Variants in MRPS9 observed in about 807,000 individuals in gnomAD.
MRPS9 encodes small ribosomal subunit protein uS9m.
In MRPS9, 45 loss-of-function variants were observed where a neutral mutation model predicts 59.9. The ratio of observed to expected loss-of-function variants is 0.75; its 90% confidence interval spans 0.59 to 0.96. The LOEUF (loss-of-function observed/expected upper bound fraction) is 0.96, where lower values mean the gene tolerates loss of function less well. Ranked by LOEUF, MRPS9 falls within the 40% of genes least tolerant of loss-of-function variation. The probability of loss-of-function intolerance (pLI) is 0.00; values close to 1 mark genes in which losing one functional copy is unlikely to be tolerated. For synonymous variants in MRPS9, 171 were observed against 166.8 expected (o/e 1.03, Z -0.19); for missense variants, 473 against 481.1 (o/e 0.98, Z 0.16).
chr2:105,047,391 AC>A (rs1343129805), intron 1 of MRPS9, among the ~76,000 whole-genome samples: 1 of 151,992 alleles, frequency 6.6e-6, no homozygotes, highest in Non-Finnish European at 1.5e-5. Flanking sequence ...GGGTATTGTT[AC>A]ATTTCTCCTG....
chr2:105,051,372 C>G (rs779291248), intron 2 of MRPS9, among the ~76,000 whole-genome samples: 1 of 152,068 alleles, frequency 6.6e-6, no homozygotes, highest in South Asian at 2.1e-4. Context: ...TATTTCTGGA[C>G]CTTATTTTAT....
At chr2:105,096,127 T>C (rs1445164781) in intron 9 of MRPS9, among the ~76,000 whole-genome samples, 2 of 152,164 alleles carry the variant, frequency 1.3e-5, no homozygotes, top group Admixed American at 1.3e-4. Context: ...CTACATCGTA[T>C]TGTTATAAAT....
chr2:105,081,076 C>T (rs1049301740), intron 5 of MRPS9, among the ~76,000 whole-genome samples: 1 of 152,214 alleles, frequency 6.6e-6, no homozygotes, highest in Non-Finnish European at 1.5e-5. Context: ...CCTGAGGCTG[C>T]CCGGGGACCC....
intron 4 of MRPS9, among the ~76,000 whole-genome samples, chr2:105,073,270 G>T (rs1680147482): frequency 6.6e-6 from 1 of 152,098 alleles, no homozygotes; most frequent in South Asian, 2.1e-4. Context: ...CTCAGTATTA[G>T]AAGTTTATTG....
chr2:105,038,201 G>C lies in MRPS9; in HGVS notation c.109G>C (p.Glu37Gln). The C allele has an allele frequency of 6.2e-7, 1 of 1,612,794 alleles. No individual in the cohort carries two copies. Among genetic ancestry groups the C allele is most frequent in the Non-Finnish European group, 8.5e-7 (1 of 1,179,436 alleles). Residue 37 changes from glutamate (E) to glutamine (Q), a missense_variant, in exon 1 of 11, where the codon GAG (glutamate) becomes CAG (glutamine). Glu to Gln is a conservative substitution (Grantham distance 29). Transcript: ENST00000258455. ...KQGLWKTAAPELQTNVRSQIL... is the reference protein window; with the variant it reads ...KQGLWKTAAPQLQTNVRSQIL... ...AGGCCTCTGGAAAACCGCGGCCCCT[G>C]AGTTGCAAACAAATGTCAGATCCCA...
At chr2:105,085,427 G>T (rs1680428275) in intron 5 of MRPS9, among the ~76,000 whole-genome samples, 1 of 152,106 alleles carries the variant, frequency 6.6e-6, no homozygotes, top group African/African-American at 2.4e-5. Context: ...TATTTATGTT[G>T]TGTACCAAAA....
At chr2:105,068,530 T>G (rs918045653) in intron 2 of MRPS9, among the ~76,000 whole-genome samples, 1 of 152,212 alleles carries the variant, frequency 6.6e-6, no homozygotes, top group Non-Finnish European at 1.5e-5. Context: ...CATAAAACAT[T>G]TACATGCTTC....
chr2:105,077,452 A>T (rs1000965723), intron 4 of MRPS9, among the ~76,000 whole-genome samples: 1 of 151,890 alleles, frequency 6.6e-6, no homozygotes, highest in Non-Finnish European at 1.5e-5. Flanking sequence ...TAGTTGTGCT[A>T]GTAGAGGTGT....
intron 2 of MRPS9, among the ~76,000 whole-genome samples, chr2:105,070,014 T>C (rs538167321): frequency 7.9e-5 from 12 of 152,052 alleles, no homozygotes; most frequent in Admixed American, 2.6e-4. Context: ...TCTGATCTAA[T>C]AAAAGAAAAA....
At chr2:105,075,159 A>C (rs562166049) in intron 4 of MRPS9, among the ~76,000 whole-genome samples, 25 of 152,294 alleles carry the variant, frequency 1.6e-4, no homozygotes, top group South Asian at 1.5e-3. Context: ...ATGAGAATCT[A>C]ATCGCACTGT....
At chr2:105,081,380 C>T (rs1217763210) in intron 5 of MRPS9, among the ~76,000 whole-genome samples, 3 of 152,228 alleles carry the variant, frequency 2.0e-5, no homozygotes, top group Non-Finnish European at 2.9e-5. Flanking sequence ...TCTACTTAAT[C>T]ACGGTTGTAG....
intron 9 of MRPS9, among the ~76,000 whole-genome samples, chr2:105,094,671 A>T (rs1272995104): frequency 6.6e-6 from 1 of 152,226 alleles, no homozygotes; most frequent in African/African-American, 2.4e-5. Flanking sequence ...ACTCCATTTA[A>T]GATGAATTAG....
In MRPS9 at chr2:105,090,071, A is replaced by G. The variant is rs528873284; in HGVS notation, c.651+76A>G. 22 of 739,704 alleles carry G rather than the reference A, an allele frequency of 3.0e-5. No individual in the cohort carries two copies. The African/African-American group carries it at 4.1e-4, about 14-fold the overall frequency. 45.8% of individuals were successfully genotyped at this position (739,704 alleles called of 1,614,324 possible). On this transcript the variant is annotated intron_variant, in intron 7 of 10. Transcript: ENST00000258455. ...GACAATTGCTGTATTTAGGATCCTA[A>G]TAGTAATGTTCCTCAGAGGCAGGTG...
chr2:105,075,241 A>G (rs73945031), intron 4 of MRPS9, among the ~76,000 whole-genome samples: 117 of 152,278 alleles, frequency 7.7e-4, no homozygotes, highest in Middle Eastern at 3.4e-3. Flanking sequence ...AGATGAAGCT[A>G]TGCTGGTCTG....
intron 5 of MRPS9, among the ~76,000 whole-genome samples, chr2:105,087,137 G>GAT (rs1050309058): frequency 4.6e-5 from 7 of 152,014 alleles, no homozygotes; most frequent in South Asian, 2.1e-4. Context: ...GAGTAACAGG[G>GAT]ATATATATAT....
intron 2 of MRPS9, among the ~76,000 whole-genome samples, chr2:105,056,994 C>T (rs1331698327): frequency 6.6e-6 from 1 of 151,810 alleles, no homozygotes; most frequent in Non-Finnish European, 1.5e-5. Context: ...TGGTGCTCGA[C>T]CTTTTTATTA....
chr2:105,092,352 G>T, intron 7 of MRPS9, 49 bp from the exon 8 acceptor site: 1 of 1,484,856 alleles, frequency 6.7e-7, no homozygotes, highest in Non-Finnish European at 9.0e-7. Flanking sequence ...AAAAAATTTA[G>T]CAAATGCAAT....
chr2:105,063,423 A>C (rs1679941922), intron 2 of MRPS9, among the ~76,000 whole-genome samples: 1 of 152,144 alleles, frequency 6.6e-6, no homozygotes, highest in South Asian at 2.1e-4. Flanking sequence ...ATATCAAAAC[A>C]CTCTAATCTA....
intron 4 of MRPS9, among the ~76,000 whole-genome samples, chr2:105,079,353 C>A (rs772125690): frequency 3.3e-5 from 5 of 151,830 alleles, no homozygotes; most frequent in Non-Finnish European, 7.4e-5. Flanking sequence ...AGTTAGCATT[C>A]GTCTTGTTTC....
Sources: gnomAD v4.1 joint callset for allele counts (sites outside exome capture counted in the v4.1 genomes callset) on GRCh38, gnomAD v4.1.1 for gene constraint, MANE v1.5 for transcripts, NCBI Gene and HGNC (gene_info 2026-07-23, HGNC 2026-07-21) for gene names.